TSPAN5: variants seen among roughly 807,000 people sequenced by gnomAD.
TSPAN5 encodes tetraspanin-5.
TSPAN5 carries 10 observed loss-of-function variants against 37.1 expected under a neutral mutation model. That is an observed-to-expected ratio of 0.27 (90% CI 0.17 to 0.46). The LOEUF (loss-of-function observed/expected upper bound fraction) is 0.46, where lower values mean the gene tolerates loss of function less well. Ranked by LOEUF, TSPAN5 falls within the 20% of genes least tolerant of loss-of-function variation. The pLI is 1.00. For missense variants in TSPAN5, 195 were observed against 326.6 expected (o/e 0.60, Z 3.11); for synonymous variants, 110 against 118.9 (o/e 0.93, Z 0.48).
chr4:98,560,639 G>A (rs1414157031), intron 1 of TSPAN5, among the ~76,000 whole-genome samples: 2 of 152,224 alleles, frequency 1.3e-5, no homozygotes, highest in Non-Finnish European at 2.9e-5. Context: ...TTGAAGACAA[G>A]TGCCAGGCAC....
intron 1 of TSPAN5, among the ~76,000 whole-genome samples, chr4:98,648,987 T>C (rs1757125801): frequency 6.6e-6 from 1 of 152,144 alleles, no homozygotes; most frequent in Admixed American, 6.5e-5. Context: ...GGGTGAAATA[T>C]CAACTAATCC....
At chr4:98,503,610 A>C (rs1299927321) in intron 2 of TSPAN5, among the ~76,000 whole-genome samples, 1 of 152,204 alleles carries the variant, frequency 6.6e-6, no homozygotes, top group Non-Finnish European at 1.5e-5. Context: ...ACCTAAAGAG[A>C]CAGAAATGCT....
intron 1 of TSPAN5, among the ~76,000 whole-genome samples, chr4:98,641,940 A>C (rs1315957766): frequency 6.6e-6 from 1 of 152,206 alleles, no homozygotes; most frequent in Admixed American, 6.5e-5. Flanking sequence ...CACTATGAAA[A>C]GGGTAGGCAA....
At chr4:98,484,347 C>A (rs1752913978) in intron 3 of TSPAN5, 1 of 430,658 alleles carries the variant, frequency 2.3e-6, no homozygotes, top group South Asian at 1.7e-5. Context: ...GGAATCAGAT[C>A]TTTAGAGCTA....
intron 1 of TSPAN5, among the ~76,000 whole-genome samples, chr4:98,521,271 A>G (rs1207875766): frequency 2.0e-5 from 3 of 152,152 alleles, no homozygotes; most frequent in Non-Finnish European, 2.9e-5. Flanking sequence ...CTATCTTTTC[A>G]AGAAAATTTG....
intron 1 of TSPAN5, among the ~76,000 whole-genome samples, chr4:98,519,560 T>A (rs1269726443): frequency 1.3e-5 from 2 of 152,298 alleles, no homozygotes; most frequent in Non-Finnish European, 2.9e-5. Context: ...AAGGGGAATG[T>A]CCTGGGAGGT....
At chr4:98,493,507 C>T (rs1390347341) in intron 2 of TSPAN5, among the ~76,000 whole-genome samples, 1 of 152,254 alleles carries the variant, frequency 6.6e-6, no homozygotes, top group Non-Finnish European at 1.5e-5. Context: ...AGATTCTGAA[C>T]AGTAGTAGCA....
chr4:98,476,319 G>A lies in TSPAN5; in HGVS notation c.625-14C>T. 1 of 1,613,612 alleles carries A rather than the reference G, an allele frequency of 6.2e-7. No homozygotes were observed. Among genetic ancestry groups the A allele is most frequent in the Non-Finnish European group, 8.5e-7 (1 of 1,179,482 alleles). ...CTGGTCAACTTCCTTCACAAGAGAA[G>A]AGGAGAGCACATTGTCACAGATAGA... On this transcript the variant is annotated splice_polypyrimidine_tract_variant and intron_variant, in intron 6 of 7. Coordinates refer to ENST00000305798, the MANE Select transcript of TSPAN5 (RefSeq NM_005723.4).
At chr4:98,497,514 T>C (rs1478397731) in intron 2 of TSPAN5, among the ~76,000 whole-genome samples, 1 of 152,036 alleles carries the variant, frequency 6.6e-6, no homozygotes, top group Non-Finnish European at 1.5e-5. Context: ...ACCCAGTCTA[T>C]AGTATTTTGT....
intron 1 of TSPAN5, among the ~76,000 whole-genome samples, chr4:98,623,452 A>T (rs143167190): frequency 1.2e-4 from 19 of 152,370 alleles, no homozygotes; most frequent in Admixed American, 5.9e-4. Flanking sequence ...TGAGAATCCT[A>T]TGAATAAACC....
chr4:98,641,489 C>T (rs1756961536), intron 1 of TSPAN5, among the ~76,000 whole-genome samples: 1 of 152,184 alleles, frequency 6.6e-6, no homozygotes. Context: ...GTTTTTGAGT[C>T]TGCTCATTCC....
intron 2 of TSPAN5, among the ~76,000 whole-genome samples, chr4:98,489,696 G>C (rs192777195): frequency 6.6e-5 from 10 of 152,168 alleles, no homozygotes; most frequent in Admixed American, 1.3e-4. Context: ...ACTCCTAATC[G>C]GGCTAGAGGC....
chr4:98,546,227 G>A (rs1754466491), intron 1 of TSPAN5, among the ~76,000 whole-genome samples: 1 of 152,232 alleles, frequency 6.6e-6, no homozygotes, highest in Admixed American at 6.5e-5. Context: ...TAGAACATTC[G>A]CTCTTAAATC....
chr4:98,495,325 C>T (rs1170444689), intron 2 of TSPAN5, among the ~76,000 whole-genome samples: 1 of 152,092 alleles, frequency 6.6e-6, no homozygotes, highest in African/African-American at 2.4e-5. Context: ...GTCAGGAGAT[C>T]GAGACCATCC....
chr4:98,504,972 C>A (rs1753442476), intron 2 of TSPAN5, among the ~76,000 whole-genome samples: 1 of 152,142 alleles, frequency 6.6e-6, no homozygotes, highest in Non-Finnish European at 1.5e-5. Context: ...TTCTTCCTGG[C>A]TATGTCCTTA....
intron 2 of TSPAN5, among the ~76,000 whole-genome samples, 189 bp from the exon 3 acceptor site, chr4:98,487,073 T>G (rs1309239901): frequency 1.7e-5 from 2 of 119,224 alleles, no homozygotes; most frequent in East Asian, 2.4e-4. Flanking sequence ...AAAGAAAGAG[T>G]GAGAAAGAAA....
chr4:98,539,651 A>G (rs1178492689), intron 1 of TSPAN5, among the ~76,000 whole-genome samples: 2 of 152,126 alleles, frequency 1.3e-5, no homozygotes, highest in Non-Finnish European at 2.9e-5. Context: ...AAACTTATGT[A>G]ATTTATTGCA....
intron 1 of TSPAN5, among the ~76,000 whole-genome samples, chr4:98,636,907 C>G (rs777790542): frequency 7.9e-5 from 12 of 152,098 alleles, no homozygotes; most frequent in Non-Finnish European, 1.8e-4. Flanking sequence ...TTTGGTCTCC[C>G]TAGGCCCAGT....
chr4:98,554,983 G>T (rs1351393139), intron 1 of TSPAN5, among the ~76,000 whole-genome samples: 1 of 152,206 alleles, frequency 6.6e-6, no homozygotes, highest in Non-Finnish European at 1.5e-5. Flanking sequence ...CTTGGAGCTA[G>T]AAGTGTTAGG....
Sources: gnomAD v4.1 joint callset for allele counts (sites outside exome capture counted in the v4.1 genomes callset) on GRCh38, gnomAD v4.1.1 for gene constraint, MANE v1.5 for transcripts, NCBI Gene and HGNC (gene_info 2026-07-23, HGNC 2026-07-21) for gene names.